Variants in CACNA1B observed in about 807,000 individuals in gnomAD.
The protein encoded by CACNA1B is calcium voltage-gated channel subunit alpha1 B.
CACNA1B carries 70 observed loss-of-function variants against 247.2 expected under a neutral mutation model. That is an observed-to-expected ratio of 0.28 (90% CI 0.23 to 0.35). The LOEUF is 0.35. CACNA1B is among the 10% of genes least tolerant of loss of function. CACNA1B has a pLI of 1.00. For missense variants in CACNA1B, 2,367 were observed against 3,197.4 expected (o/e 0.74, Z 6.26); for synonymous variants, 1,231 against 1,294.4 (o/e 0.95, Z 1.05).
Position 137,882,393 on chromosome 9 carries a change from G to A in CACNA1B, c.391-351G>A, listed in dbSNP as rs193068657. Among the ~76,000 whole-genome samples the A allele has an allele frequency of 8.5e-5, 13 of 152,300 alleles. No individual in the cohort carries two copies. The highest frequency in any genetic ancestry group is 2.4e-4 in the African/African-American group (10 of 41,556). On this transcript the variant is annotated intron_variant, in intron 2 of 46. Transcript: ENST00000371372. This position sits in a 1 kb window ranked among gnomAD's most constrained non-coding sequence, Gnocchi z 4.0. ...GTACTGTTACATCACTGTCTTCCCC[G>A]AAGCAAGGCCCACTGCATGGTGCTA...
chr9:138,069,678 T>C (rs1223488959), intron 31 of CACNA1B, 80 bp from the exon 32 acceptor site: 1 of 1,035,586 alleles, frequency 9.7e-7, no homozygotes, highest in African/African-American at 1.6e-5. Flanking sequence ...TCTCCGTCTG[T>C]ATGTTGTGCA....
chr9:137,939,308 A>C (rs1017669386), intron 6 of CACNA1B, among the ~76,000 whole-genome samples: 5 of 152,218 alleles, frequency 3.3e-5, no homozygotes, highest in African/African-American at 1.2e-4. Flanking sequence ...AAACCATATA[A>C]ATAGGCCACA....
At chr9:138,118,336 A>G (rs985901800) in intron 43 of CACNA1B, among the ~76,000 whole-genome samples, 1 of 28,396 alleles carries the variant, frequency 3.5e-5, no homozygotes, top group Non-Finnish European at 6.0e-5. Flanking sequence ...GGGATGGGGG[A>G]TTTTGAGACT....
chr9:138,052,249 CGTGTGT>C lies in CACNA1B; in HGVS notation c.3807+70_3807+75del. 2.6e-6 allele frequency: 2 copies of C among 779,162 alleles called. No homozygotes were observed. Among genetic ancestry groups the C allele is most frequent in the Non-Finnish European group, 4.3e-6 (2 of 464,624 alleles). 48.3% of individuals were successfully genotyped at this position (779,162 alleles called of 1,614,324 possible). A position where few individuals can be genotyped will look rare whatever the true frequency, so the allele number is the denominator to read the frequency against. On this transcript the variant is annotated intron_variant, in intron 25 of 46. Coordinates refer to ENST00000371372, the MANE Select transcript of CACNA1B (RefSeq NM_000718.4). This position sits in a 1 kb window ranked among gnomAD's most constrained non-coding sequence, Gnocchi z 5.1. ...GTGTGTGTGTGCGTGTGTGTGTGTG[CGTGTGT>C]GTGTGTGTATGCATGCAGTGCATGA... is the stretch of plus-strand genomic sequence containing the variant.
chr9:137,925,184 T>C (rs1319913199), intron 6 of CACNA1B, among the ~76,000 whole-genome samples: 3 of 152,056 alleles, frequency 2.0e-5, no homozygotes, highest in Non-Finnish European at 4.4e-5. Context: ...ATGTATTACC[T>C]ACAGATCGGC....
Position 137,881,030 on chromosome 9 carries a change from G to A in CACNA1B, c.391-1714G>A, listed in dbSNP as rs1956910199. On this transcript the variant is annotated intron_variant, in intron 2 of 46. Transcript: ENST00000371372. The surrounding 1 kb of genome is among the most constrained non-coding windows in gnomAD (Gnocchi z 4.3). ...GGGCTGGGCAGGGCAGAGCTGTGAG[G>A]AGAGGGCTCGGGCTGGGGGCTCCTT... is the stretch of plus-strand genomic sequence containing the variant. Among the ~76,000 whole-genome samples the A allele has an allele frequency of 6.6e-6, 1 of 152,244 alleles. No individual in the cohort carries two copies. The highest frequency in any genetic ancestry group is 1.5e-5 in the Non-Finnish European group (1 of 68,030).
rs1293481480 is a variant in CACNA1B, at chr9:137,917,665, C to A, written c.966+234C>A. ...GAGGTGGGTCCTCCTGGAGTTGACT[C>A]CTTCGTGAAAATGAAGCAGAAGGCT... On this transcript the variant is annotated intron_variant, in intron 6 of 46. Coordinates refer to ENST00000371372, the MANE Select transcript of CACNA1B (RefSeq NM_000718.4). This position sits in a 1 kb window ranked among gnomAD's most constrained non-coding sequence, Gnocchi z 5.5. Among the ~76,000 whole-genome samples, 1 of 152,210 alleles carries A rather than the reference C, an allele frequency of 6.6e-6. No homozygotes were observed. Among genetic ancestry groups the A allele is most frequent in the Admixed American group, 6.5e-5 (1 of 15,284 alleles).
intron 5 of CACNA1B, among the ~76,000 whole-genome samples, chr9:137,915,201 G>T (rs1331980860): frequency 6.6e-6 from 1 of 152,204 alleles, no homozygotes; most frequent in Non-Finnish European, 1.5e-5. Context: ...AAGGCCTATG[G>T]TGCGGAGCAG....
intron 7 of CACNA1B, among the ~76,000 whole-genome samples, chr9:137,953,840 C>T (rs1957910755): frequency 6.6e-6 from 1 of 152,076 alleles, no homozygotes; most frequent in Non-Finnish European, 1.5e-5. Context: ...AGGGGGCTGG[C>T]AGCCACCAGG....
chr9:138,104,595 G>A (rs1038109119), intron 38 of CACNA1B, among the ~76,000 whole-genome samples: 1 of 152,214 alleles, frequency 6.6e-6, no homozygotes, highest in Admixed American at 6.5e-5. Context: ...AGCCCGGCTT[G>A]CATCCACACC....
Position 138,010,174 on chromosome 9 carries a change from A to G in CACNA1B, c.2160+97A>G. 3.1e-6 allele frequency: 3 copies of G among 956,854 alleles called. No homozygotes were observed. In the Admixed American group the frequency reaches 5.6e-5, roughly 18 times the overall value. The allele number at this position is 956,854 out of a possible 1,614,324, so 59.3% of individuals were successfully genotyped here. ...GGTCCTGGGTTAGGGCCTCGTGTCC[A>G]GGAGCGTTGCCTTGGGTCCTGGCGG... On this transcript the variant is annotated intron_variant, in intron 17 of 46. Transcript: ENST00000371372. This position sits in a 1 kb window ranked among gnomAD's most constrained non-coding sequence, Gnocchi z 5.3.
intron 15 of CACNA1B, among the ~76,000 whole-genome samples, chr9:137,988,917 T>G (rs1007983538): frequency 6.6e-6 from 1 of 152,136 alleles, no homozygotes; most frequent in African/African-American, 2.4e-5. Flanking sequence ...ACCAGGGTCC[T>G]GAGATCCCAG....
At chr9:138,078,304 G>T (rs199821801) in intron 36 of CACNA1B, 46 bp downstream of exon 36, 3 of 1,593,436 alleles carry the variant, frequency 1.9e-6, no homozygotes, top group African/African-American at 2.7e-5. Flanking sequence ...GTCTTGTCTC[G>T]GTACAGCTCA....
chr9:138,078,051 C>T, intron 35 of CACNA1B, 63 bp from the exon 36 acceptor site: 2 of 1,525,300 alleles, frequency 1.3e-6, no homozygotes, highest in South Asian at 1.2e-5. Flanking sequence ...GCTTGGTAGC[C>T]CCACAGGGCT....
At chr9:137,905,485 T>A (rs1452684764) in intron 3 of CACNA1B, among the ~76,000 whole-genome samples, 4 of 152,238 alleles carry the variant, frequency 2.6e-5, no homozygotes, top group African/African-American at 9.6e-5. Context: ...GTTAGACATT[T>A]AAAATTTTGT....
chr9:138,118,250 T>C (rs1396292997), intron 43 of CACNA1B, among the ~76,000 whole-genome samples, 169 bp downstream of exon 43: 11 of 30,770 alleles, frequency 3.6e-4, no homozygotes, highest in African/African-American at 1.8e-3. Flanking sequence ...GGGTGGGGGA[T>C]GTGTGAGACC....
chr9:138,088,464 A>G (rs767733239), intron 36 of CACNA1B, among the ~76,000 whole-genome samples: 1 of 152,204 alleles, frequency 6.6e-6, no homozygotes, highest in Non-Finnish European at 1.5e-5. Context: ...GAAGTAAAAA[A>G]GGAGACATTA....
At chr9:137,940,957 AT>A (rs1372363223) in intron 6 of CACNA1B, among the ~76,000 whole-genome samples, 3 of 152,178 alleles carry the variant, frequency 2.0e-5, no homozygotes, top group African/African-American at 7.2e-5. Context: ...AGTCAACATA[AT>A]ACAGAATGGG....
At position 137,913,421 on chromosome 9, in the gene CACNA1B, G is replaced by A. The variant is rs962292398; in HGVS notation, c.622+150G>A. 3.2e-6 allele frequency: 2 copies of A among 626,670 alleles called. No homozygotes were observed. Among genetic ancestry groups the A allele is most frequent in the Non-Finnish European group, 5.6e-6 (2 of 357,736 alleles). 38.8% of individuals were successfully genotyped at this position (626,670 alleles called of 1,614,324 possible). On this transcript the variant is annotated intron_variant, in intron 4 of 46. Transcript: ENST00000371372. This position sits in a 1 kb window ranked among gnomAD's most constrained non-coding sequence, Gnocchi z 5.2. Reference sequence around the variant, plus strand: ...AGGGAACCAGGCAGGAGGAAGGGAGGAGCAGGCCTTTTTTGGCCTGTCACA... The same window carrying A: ...AGGGAACCAGGCAGGAGGAAGGGAGAAGCAGGCCTTTTTTGGCCTGTCACA...
Sources: gnomAD v4.1 joint callset for allele counts (sites outside exome capture counted in the v4.1 genomes callset) on GRCh38, gnomAD v4.1.1 for gene constraint, Gnocchi (gnomAD v3.1) non-coding constraint, MANE v1.5 for transcripts, NCBI Gene and HGNC (gene_info 2026-07-23, HGNC 2026-07-21) for gene names.